Variants in SLC43A2 observed in about 807,000 individuals in gnomAD.
SLC43A2 encodes the protein solute carrier family 43 member 2.
SLC43A2 carries 38 observed loss-of-function variants against 63.2 expected under a neutral mutation model. The observed-to-expected ratio is 0.60, with a 90% confidence interval of 0.46 to 0.79. The LOEUF (loss-of-function observed/expected upper bound fraction) is 0.79, where lower values mean the gene tolerates loss of function less well. SLC43A2 is among the 30% of genes least tolerant of loss of function. The pLI is 0.00. For missense variants in SLC43A2, 644 were observed against 756.2 expected (o/e 0.85, Z 1.74); for synonymous variants, 322 against 331.0 (o/e 0.97, Z 0.30).
At chr17:1,602,336 C>T (rs939423529) in intron 5 of SLC43A2, among the ~76,000 whole-genome samples, 2 of 152,078 alleles carry the variant, frequency 1.3e-5, no homozygotes. Flanking sequence ...TGTGAAGGCT[C>T]TTTATGTATT....
Position 1,572,040 on chromosome 17 carries a change from C to T in SLC43A2, c.*3564G>A, listed in dbSNP as rs1276974978. ...GGAGGCCCGGCCACTGGTGCCTGCT[C>T]CTTTGATCAGCTGTAGTCCCTTCCC... On this transcript the variant is annotated 3_prime_UTR_variant, in exon 14 of 14. Transcript: ENST00000301335. The T allele has an allele frequency of 1.3e-5, 2 of 152,556 alleles. No individual in the cohort carries two copies. The highest frequency in any genetic ancestry group is 4.8e-5 in the African/African-American group (2 of 41,458). The allele number at this position is 152,556 out of a possible 1,614,324, so 9.5% of individuals were successfully genotyped here. A position where few individuals can be genotyped will look rare whatever the true frequency, so the allele number is the denominator to read the frequency against.
At chr17:1,612,264 C>T (rs956802430) in intron 5 of SLC43A2, among the ~76,000 whole-genome samples, 13 of 151,988 alleles carry the variant, frequency 8.6e-5, no homozygotes, top group Non-Finnish European at 1.5e-4. Flanking sequence ...ATGCCCAGCC[C>T]CTTTTTTGAC....
rs1020171263 is a variant in SLC43A2, at chr17:1,570,550, G to T, written c.*5054C>A. 1 of 149,120 alleles carries T rather than the reference G, an allele frequency of 6.7e-6. No homozygotes were observed. The highest frequency in any genetic ancestry group is 1.5e-5 in the Non-Finnish European group (1 of 67,102). The allele number at this position is 149,120 out of a possible 1,614,324, so 9.2% of individuals were successfully genotyped here. ...CGCCCAGGCTGGAGTGCAGTGGCGG[G>T]ATCTCGGCTCACTGCAAGCTCCGCC... On this transcript the variant is annotated 3_prime_UTR_variant, in exon 14 of 14. Coordinates refer to ENST00000301335, the MANE Select transcript of SLC43A2 (RefSeq NM_152346.3).
rs186809795 is a variant in SLC43A2, at chr17:1,591,149, G to A, written c.931+120C>T. The stretch of plus-strand genomic sequence containing the variant: ...TTCCCTCCCCCAGGCCTTCCTGAGC[G>A]CCTCTGCAGAACAGGGCGGGCGGGG... On this transcript the variant is annotated intron_variant, in intron 8 of 13. Transcript: ENST00000301335. 3.2e-4 allele frequency: 428 copies of A among 1,356,370 alleles called. No homozygotes were observed. In the African/African-American group the frequency reaches 5.8e-3, roughly 18 times the overall value. 84.0% of individuals were successfully genotyped at this position (1,356,370 alleles called of 1,614,324 possible).
rs143463240 is a variant in SLC43A2, at chr17:1,616,729, C to T, written c.201G>A (p.Pro67=). The part of the protein sequence containing the change: ...TNGTVGGTAE[P]GHEEVSWMNG... The stretch of plus-strand genomic sequence containing the variant: ...TCATCCAGCTCACCTCCTCGTGCCC[C>T]GGCTCTGCTGTGCCGCCCACTGTGC... The change falls in exon 3 of 14, where the codon CCG becomes CCA. Residue 67 remains proline (P), a synonymous_variant. Coordinates refer to ENST00000301335, the MANE Select transcript of SLC43A2 (RefSeq NM_152346.3). The T allele has an allele frequency of 5.3e-4, 858 of 1,614,070 alleles. 4 individuals carry two copies. The highest frequency in any genetic ancestry group is 5.3e-3 in the African/African-American group (397 of 75,060).
In SLC43A2 at chr17:1,605,008, C is replaced by T. The variant is rs1341349566; in HGVS notation, c.501+8187G>A. The T allele has an allele frequency of 2.8e-6, 4 of 1,432,834 alleles. No homozygotes were observed. Among genetic ancestry groups the T allele is most frequent in the Non-Finnish European group, 9.1e-7 (1 of 1,094,744 alleles). 88.8% of individuals were successfully genotyped at this position (1,432,834 alleles called of 1,614,324 possible). ...TCGAGGGCTGGCGGAGGGGAAGGAC[C>T]CCAGGAGGGGAAGGACCAGCTTTGC... On this transcript the variant is annotated intron_variant, in intron 5 of 13. Coordinates refer to ENST00000301335, the MANE Select transcript of SLC43A2 (RefSeq NM_152346.3). The surrounding 1 kb of genome is among the most constrained non-coding windows in gnomAD (Gnocchi z 4.9).
intron 9 of SLC43A2, chr17:1,586,928 T>TGCCCCCC: frequency 6.5e-6 from 8 of 1,232,900 alleles, no homozygotes; most frequent in African/African-American, 1.6e-5. Context: ...TCCCTGACAA[T>TGCCCCCC]CCCCCCCACC....
intron 11 of SLC43A2, among the ~76,000 whole-genome samples, chr17:1,580,323 T>C (rs7222858): frequency 0.46 from 69,673 of 152,040 alleles, 16,728 homozygotes; most frequent in African/African-American, 0.56. Flanking sequence ...GGTGAGTGCA[T>C]GTGCACCGTG....
intron 12 of SLC43A2, 143 bp from the exon 13 acceptor site, chr17:1,576,863 GT>G (rs35969643): frequency 0.38 from 217,603 of 574,646 alleles, 18,658 homozygotes; most frequent in African/African-American, 0.6. Context: ...GGGCAGTTCT[GT>G]TTTTTTTTTT....
chr17:1,594,176 G>T (rs1006071260), intron 5 of SLC43A2, among the ~76,000 whole-genome samples: 7 of 152,166 alleles, frequency 4.6e-5, no homozygotes, highest in African/African-American at 1.7e-4. Flanking sequence ...CCCACAGGAT[G>T]TTCGGCCCGA....
intron 1 of SLC43A2, among the ~76,000 whole-genome samples, chr17:1,628,493 G>A (rs914125648): frequency 6.6e-6 from 1 of 151,546 alleles, no homozygotes; most frequent in Non-Finnish European, 1.5e-5. Context: ...CGTCTAGGTC[G>A]CTAGGCGCTG....
At chr17:1,624,746 C>T (rs965284433) in intron 2 of SLC43A2, among the ~76,000 whole-genome samples, 1 of 151,768 alleles carries the variant, frequency 6.6e-6, no homozygotes. Flanking sequence ...CAAAAATTAG[C>T]TGAGTATGGT....
In SLC43A2 at chr17:1,609,741, T is replaced by G. The variant is rs1906925869; in HGVS notation, c.501+3454A>C. Among the ~76,000 whole-genome samples the G allele has an allele frequency of 2.0e-5, 3 of 150,172 alleles. No homozygotes were observed. In the South Asian group the frequency reaches 6.3e-4, roughly 31 times the overall value. The stretch of plus-strand genomic sequence containing the variant: ...AATAATATACAGAACTGCTTAATAA[T>G]AAGGCAGATCTCTAAGTACTGACAG... On this transcript the variant is annotated intron_variant, in intron 5 of 13. Coordinates refer to ENST00000301335, the MANE Select transcript of SLC43A2 (RefSeq NM_152346.3).
intron 5 of SLC43A2, among the ~76,000 whole-genome samples, chr17:1,604,128 C>T (rs1406329918): frequency 6.6e-6 from 1 of 152,186 alleles, no homozygotes; most frequent in Non-Finnish European, 1.5e-5. Context: ...TCAAGCTCCA[C>T]CTCCCTGGTT....
chr17:1,592,423 T>A (rs960180028), intron 6 of SLC43A2, among the ~76,000 whole-genome samples: 1 of 152,110 alleles, frequency 6.6e-6, no homozygotes, highest in Non-Finnish European at 1.5e-5. Context: ...CAAGACCCTG[T>A]TCCCCCCCAA....
chr17:1,622,699 A>C (rs996852712), intron 2 of SLC43A2, among the ~76,000 whole-genome samples: 1 of 152,178 alleles, frequency 6.6e-6, no homozygotes, highest in Non-Finnish European at 1.5e-5. Context: ...AGATCACCTG[A>C]GGTCAGGAGT....
At chr17:1,591,991 T>A (rs1022408450) in intron 6 of SLC43A2, among the ~76,000 whole-genome samples, 1 of 152,234 alleles carries the variant, frequency 6.6e-6, no homozygotes, top group Non-Finnish European at 1.5e-5. Context: ...AGGCTCATAG[T>A]GATCGGCCCA....
intron 5 of SLC43A2, among the ~76,000 whole-genome samples, chr17:1,594,651 T>G (rs12946736): frequency 0.95 from 129,065 of 135,972 alleles, 61,394 homozygotes; most frequent in South Asian, 0.99. Flanking sequence ...GCAGTGGCTC[T>G]ATCTCGGCTC....
intron 5 of SLC43A2, among the ~76,000 whole-genome samples, chr17:1,600,773 G>T (rs1174459200): frequency 6.6e-6 from 1 of 151,588 alleles, no homozygotes; most frequent in Non-Finnish European, 1.5e-5. Flanking sequence ...GGTCAGGCTG[G>T]TCTCAAACTC....
Sources: gnomAD v4.1 joint callset for allele counts (sites outside exome capture counted in the v4.1 genomes callset) on GRCh38, gnomAD v4.1.1 for gene constraint, Gnocchi (gnomAD v3.1) non-coding constraint, MANE v1.5 for transcripts, NCBI Gene and HGNC (gene_info 2026-07-23, HGNC 2026-07-21) for gene names.